PPP1R17: variants seen among roughly 807,000 people sequenced by gnomAD.
The protein encoded by PPP1R17 is protein phosphatase 1 regulatory subunit 17.
A neutral mutation model predicts 15.9 loss-of-function variants in PPP1R17; 12 were observed. The observed-to-expected ratio is 0.75, with a 90% CI of 0.48 to 1.22. PPP1R17 has a LOEUF of 1.22. Ranked by LOEUF, PPP1R17 falls within the 50% of genes most tolerant of loss-of-function variation. The pLI is 0.00. For missense variants in PPP1R17, 211 were observed against 187.3 expected (o/e 1.13, Z -0.74); for synonymous variants, 63 against 64.5 (o/e 0.98, Z 0.11).
At chr7:31,693,522 C>T (rs1224306080) in intron 2 of PPP1R17, among the ~76,000 whole-genome samples, 1 of 152,178 alleles carries the variant, frequency 6.6e-6, no homozygotes, top group Non-Finnish European at 1.5e-5. Flanking sequence ...TTTTACCTGG[C>T]TTTCTGAGCC....
chr7:31,691,859 T>A (rs1336831359), intron 1 of PPP1R17, among the ~76,000 whole-genome samples: 2 of 148,512 alleles, frequency 1.3e-5, no homozygotes, highest in Non-Finnish European at 3.0e-5. Context: ...CTTATTCAAT[T>A]CGGGTTCAAA....
At chr7:31,687,671 C>A (rs1792161743) in intron 1 of PPP1R17, among the ~76,000 whole-genome samples, 1 of 152,186 alleles carries the variant, frequency 6.6e-6, no homozygotes, top group Non-Finnish European at 1.5e-5. Context: ...AGTCTCTCCT[C>A]CAGGAATACT....
chr7:31,704,104 C>T (rs1344632524), intron 4 of PPP1R17, among the ~76,000 whole-genome samples: 2 of 152,152 alleles, frequency 1.3e-5, no homozygotes, highest in African/African-American at 4.8e-5. Context: ...AAAGAGAATC[C>T]TCCTGGAAAA....
At chr7:31,704,334 G>T (rs34181) in intron 4 of PPP1R17, among the ~76,000 whole-genome samples, 64,127 of 151,970 alleles carry the variant, frequency 0.42, 14,855 homozygotes, top group East Asian at 0.68. Flanking sequence ...TTTTAGATGG[G>T]GCTCTGGGTG....
At chr7:31,701,086 T>C (rs2128245283) in intron 4 of PPP1R17, among the ~76,000 whole-genome samples, 1 of 152,320 alleles carries the variant, frequency 6.6e-6, no homozygotes, top group South Asian at 2.1e-4. Context: ...AAGAAATACA[T>C]GTTTTGCAAA....
At chr7:31,704,190 G>A (rs1792972600) in intron 4 of PPP1R17, among the ~76,000 whole-genome samples, 1 of 152,188 alleles carries the variant, frequency 6.6e-6, no homozygotes, top group South Asian at 2.1e-4. Context: ...ACTAGAAAGG[G>A]ATCAGGATGT....
Position 31,692,428 on chromosome 7 carries a change from C to T in PPP1R17, c.-14C>T. On this transcript the variant is annotated 5_prime_UTR_variant, in exon 2 of 5. Transcript: ENST00000342032. ...TAGTGCTGGAGAAGAAATACATCCA[C>T]CCACCCTCCTTTGATGATGTCCACT... The T allele has an allele frequency of 2.5e-6, 4 of 1,590,514 alleles. No homozygotes were observed. The highest frequency in any genetic ancestry group is 3.5e-6 in the Non-Finnish European group (4 of 1,158,870).
chr7:31,691,106 G>A (rs1792322352), intron 1 of PPP1R17, among the ~76,000 whole-genome samples: 2 of 152,090 alleles, frequency 1.3e-5, no homozygotes, highest in Admixed American at 6.5e-5. Context: ...TGAAAACAAT[G>A]GTCTGAATTG....
At position 31,707,212 on chromosome 7, in the gene PPP1R17, T is replaced by C. The variant is rs1340140894; in HGVS notation, c.397T>C (p.Leu133=). 3.1e-6 allele frequency: 5 copies of C among 1,613,644 alleles called. No homozygotes were observed. The highest frequency in any genetic ancestry group is 4.2e-6 in the Non-Finnish European group (5 of 1,179,814). ...HMSPFAAGVT[L]LRDERPKAIV... Reference sequence around the variant, plus strand: ...TGTGCTTTGTTTTGCAGGTGTGACATTGCTCAGGGACGAGAGACCCAAAGC... The same window carrying C: ...TGTGCTTTGTTTTGCAGGTGTGACACTGCTCAGGGACGAGAGACCCAAAGC... The change falls in exon 5 of 5, where the codon TTG becomes CTG. Residue 133 remains leucine, a synonymous_variant. Coordinates refer to ENST00000342032, the MANE Select transcript of PPP1R17 (RefSeq NM_006658.5).
At chr7:31,692,927 T>C (rs1792418745) in intron 2 of PPP1R17, among the ~76,000 whole-genome samples, 1 of 152,246 alleles carries the variant, frequency 6.6e-6, no homozygotes, top group African/African-American at 2.4e-5. Context: ...TCTCTTTGCC[T>C]ATCAAGACAG....
chr7:31,705,676 G>T (rs954992275), intron 4 of PPP1R17, among the ~76,000 whole-genome samples: 1 of 152,110 alleles, frequency 6.6e-6, no homozygotes, highest in Admixed American at 6.5e-5. Context: ...TGGTAGAAAG[G>T]CCTCTTGTGG....
intron 4 of PPP1R17, among the ~76,000 whole-genome samples, chr7:31,706,875 G>A (rs572622909): frequency 1.1e-3 from 175 of 152,316 alleles, no homozygotes; most frequent in African/African-American, 4.1e-3. Flanking sequence ...TAAGTGAGTG[G>A]CAGAACTGTG....
chr7:31,704,372 A>G, intron 4 of PPP1R17, among the ~76,000 whole-genome samples: 1 of 152,192 alleles, frequency 6.6e-6, no homozygotes, highest in Non-Finnish European at 1.5e-5. Flanking sequence ...AGCTTGCTTC[A>G]AAGCTGATTG....
At chr7:31,702,607 C>G (rs1170461659) in intron 4 of PPP1R17, among the ~76,000 whole-genome samples, 2 of 152,204 alleles carry the variant, frequency 1.3e-5, no homozygotes, top group East Asian at 3.9e-4. Context: ...ATACCCAAAA[C>G]TTTGTCATCT....
intron 2 of PPP1R17, among the ~76,000 whole-genome samples, chr7:31,694,407 C>A (rs558197707): frequency 9.9e-4 from 150 of 151,996 alleles, no homozygotes; most frequent in Non-Finnish European, 1.3e-3. Context: ...CACACACACA[C>A]ACACACACAG....
Position 31,695,564 on chromosome 7 carries a change from C to CA in PPP1R17, c.186dup (p.Pro63ThrfsTer25), listed in dbSNP as rs546054902. ...GGCCACCCTGAATGTTGAGTCAGAC[C>CA]AAAAAAAACCAAGGAGGAAAGATAC... On this transcript the variant is annotated frameshift_variant, in exon 3 of 5. Coordinates refer to ENST00000342032, the MANE Select transcript of PPP1R17 (RefSeq NM_006658.5). LOFTEE classifies it high-confidence loss of function. 3.4e-5 allele frequency: 55 copies of CA among 1,611,874 alleles called. No individual in the cohort carries two copies. Among genetic ancestry groups the CA allele is most frequent in the African/African-American group, 3.1e-4 (23 of 74,586 alleles).
At chr7:31,707,100 G>T in intron 4 of PPP1R17, 104 bp from the exon 5 acceptor site, 1 of 990,166 alleles carries the variant, frequency 1.0e-6, no homozygotes, top group Non-Finnish European at 1.5e-6. Context: ...TAGACACTAA[G>T]AGGTTTCTGG....
rs1287249824 is a variant in PPP1R17 at position 31,695,627 on chromosome 7, G to C, written c.235+6G>C. On this transcript the variant is annotated splice_donor_region_variant and intron_variant, in intron 3 of 4. Coordinates refer to ENST00000342032, the MANE Select transcript of PPP1R17 (RefSeq NM_006658.5). ...CATCCCACCTTTCATACCAGGTAAT[G>C]GACAAAGTCATCTGCACAGCTGTAA... The C allele has an allele frequency of 1.2e-6, 2 of 1,610,304 alleles. No homozygotes were observed. The highest frequency in any genetic ancestry group is 4.5e-5 in the East Asian group (2 of 44,812).
intron 4 of PPP1R17, among the ~76,000 whole-genome samples, chr7:31,701,437 G>A (rs569844646): frequency 6.6e-6 from 1 of 152,322 alleles, no homozygotes; most frequent in African/African-American, 2.4e-5. Flanking sequence ...GATCAGCAAA[G>A]AAAATGGTTT....
Sources: gnomAD v4.1 joint callset for allele counts (sites outside exome capture counted in the v4.1 genomes callset) on GRCh38, gnomAD v4.1.1 for gene constraint, MANE v1.5 for transcripts, NCBI Gene and HGNC (gene_info 2026-07-23, HGNC 2026-07-21) for gene names.